Variants in IMMP2L observed in about 807,000 individuals in gnomAD.
IMMP2L encodes mitochondrial inner membrane protease subunit 2.
IMMP2L carries 18 observed loss-of-function variants against 19.3 expected under a neutral mutation model. The observed-to-expected ratio is 0.93, with a 90% CI of 0.64 to 1.38. The LOEUF (loss-of-function observed/expected upper bound fraction) is 1.38. Ranked by LOEUF, IMMP2L falls within the 40% of genes most tolerant of loss-of-function variation. The pLI is 0.00. For synonymous variants in IMMP2L, 76 were observed against 73.0 expected, an observed-to-expected ratio of 1.04 and a Z score of -0.21; for missense variants, 233 against 218.2, an observed-to-expected ratio of 1.07 and a Z score of -0.43.
intron 4 of IMMP2L, among the ~76,000 whole-genome samples, chr7:110,939,144 G>C (rs898053026): frequency 3.3e-4 from 50 of 152,268 alleles, no homozygotes; most frequent in African/African-American, 1.2e-3. Flanking sequence ...GTTACCTGGA[G>C]AGTTTTTAGA....
intron 5 of IMMP2L, among the ~76,000 whole-genome samples, chr7:110,761,074 G>C (rs1798323447): frequency 6.6e-6 from 1 of 152,124 alleles, no homozygotes. Context: ...TCTTCCTATG[G>C]ATGGCTGAGA....
At chr7:111,379,418 A>G (rs1830989380) in intron 3 of IMMP2L, among the ~76,000 whole-genome samples, 1 of 151,820 alleles carries the variant, frequency 6.6e-6, no homozygotes, top group Non-Finnish European at 1.5e-5. Flanking sequence ...GCCATTTTAA[A>G]AACTGCAAAA....
At chr7:110,745,839 TA>T (rs1264321720) in intron 5 of IMMP2L, among the ~76,000 whole-genome samples, 3 of 152,090 alleles carry the variant, frequency 2.0e-5, no homozygotes, top group African/African-American at 7.2e-5. Flanking sequence ...AGAAACTGCA[TA>T]AACTAATGGG....
At chr7:110,957,138 CCTTGTGATT>C (rs1394661590) in intron 4 of IMMP2L, among the ~76,000 whole-genome samples, 1 of 151,832 alleles carries the variant, frequency 6.6e-6, no homozygotes, top group East Asian at 1.9e-4. Context: ...CAAGCAATTG[CCTTGTGATT>C]TTAATCAATG....
chr7:110,812,055 A>G (rs956124494), intron 5 of IMMP2L, among the ~76,000 whole-genome samples: 1 of 152,014 alleles, frequency 6.6e-6, no homozygotes. Context: ...TCTGACACAT[A>G]TATTTGGTGA....
chr7:110,895,007 CT>C (rs1167507891), intron 4 of IMMP2L, among the ~76,000 whole-genome samples: 2 of 152,132 alleles, frequency 1.3e-5, no homozygotes, highest in South Asian at 2.1e-4. Context: ...CATTTTCATG[CT>C]GCTGATAAAG....
intron 4 of IMMP2L, among the ~76,000 whole-genome samples, chr7:110,909,908 AAGAG>A (rs1049961529): frequency 2.8e-5 from 4 of 145,434 alleles, no homozygotes; most frequent in Admixed American, 2.0e-4. Context: ...GAGAGAGAGA[AAGAG>A]AGAGAGAGAT....
In IMMP2L at chr7:110,728,917, T is replaced by C. The variant is rs1796071259; in HGVS notation, c.409-65196A>G. On this transcript the variant is annotated intron_variant, in intron 5 of 5. Transcript: ENST00000405709. This position sits in a 1 kb window ranked among gnomAD's most constrained non-coding sequence, Gnocchi z 4.6. ...TTGTATTAGTCTGTTTTGTTTTGTT[T>C]TGTTTTGTTTTCACCCAGGCTGGAC... Among the ~76,000 whole-genome samples, 1 of 152,134 alleles carries C rather than the reference T, an allele frequency of 6.6e-6. No individual in the cohort carries two copies. Among genetic ancestry groups the C allele is most frequent in the South Asian group, 2.1e-4 (1 of 4,822 alleles).
intron 3 of IMMP2L, among the ~76,000 whole-genome samples, chr7:111,295,773 G>A (rs1821565468): frequency 6.6e-6 from 1 of 151,562 alleles, no homozygotes; most frequent in Non-Finnish European, 1.5e-5. Flanking sequence ...ATGGAGCTAT[G>A]TATAATGAAA....
chr7:110,716,037 G>C (rs541119378), intron 5 of IMMP2L, among the ~76,000 whole-genome samples: 2 of 151,796 alleles, frequency 1.3e-5, no homozygotes, highest in East Asian at 1.9e-4. Context: ...CTTTTTTCCT[G>C]TTGTTCATTT....
chr7:111,499,323 G>A (rs1563272748), intron 2 of IMMP2L, among the ~76,000 whole-genome samples: 1 of 152,176 alleles, frequency 6.6e-6, no homozygotes, highest in African/African-American at 2.4e-5. Context: ...GAATATCAAT[G>A]TAATAATCTA....
At position 111,539,220 on chromosome 7, in the gene IMMP2L, A is replaced by AGG. The variant is rs1848267828; in HGVS notation, c.-2-17772_-2-17771insCC. Reference sequence around the variant, plus strand: ...GGAGAAAGAAAGAAAGAAAGAAAGAAAGAAAGAAAGAAAGAAAGAAAGAAA... The same window carrying AGG: ...GGAGAAAGAAAGAAAGAAAGAAAGAAGGAGAAAGAAAGAAAGAAAGAAAGAAA... On this transcript the variant is annotated intron_variant, in intron 1 of 5. Transcript: ENST00000405709. 2.8e-4 allele frequency among the ~76,000 whole-genome samples: 33 copies of AGG among 116,220 alleles called. 1 individual carries two copies. Among genetic ancestry groups the AGG allele is most frequent in the East Asian group, 9.7e-4 (4 of 4,132 alleles). The allele number at this position is 116,220 out of a possible 152,430, so 76.2% of individuals were successfully genotyped here.
intron 1 of IMMP2L, among the ~76,000 whole-genome samples, 183 bp from the exon 2 acceptor site, chr7:111,521,632 G>A (rs767126524): frequency 1.6e-4 from 25 of 152,008 alleles, no homozygotes; most frequent in African/African-American, 4.1e-4. Context: ...AGTGAAATAC[G>A]TGAACTCAGG....
intron 3 of IMMP2L, among the ~76,000 whole-genome samples, chr7:111,254,099 AT>A (rs1816441660): frequency 6.6e-6 from 1 of 152,046 alleles, no homozygotes; most frequent in South Asian, 2.1e-4. Flanking sequence ...TGAGCTAAGC[AT>A]TTTTTTCCCC....
chr7:111,097,985 T>C (rs1319213799), intron 3 of IMMP2L, among the ~76,000 whole-genome samples: 2 of 151,780 alleles, frequency 1.3e-5, no homozygotes, highest in Non-Finnish European at 1.5e-5. Flanking sequence ...GAATTGTGTC[T>C]AGGTCACAAT....
At chr7:110,684,193 G>A (rs1363982950) in intron 5 of IMMP2L, among the ~76,000 whole-genome samples, 2 of 152,024 alleles carry the variant, frequency 1.3e-5, no homozygotes, top group Non-Finnish European at 2.9e-5. Flanking sequence ...ATTCCTCATG[G>A]CTAACTATGG....
intron 3 of IMMP2L, among the ~76,000 whole-genome samples, chr7:111,221,726 A>T (rs1264738244): frequency 6.6e-6 from 1 of 152,076 alleles, no homozygotes; most frequent in Non-Finnish European, 1.5e-5. Context: ...CATTCCATAG[A>T]GTTTTTCATA....
intron 3 of IMMP2L, among the ~76,000 whole-genome samples, chr7:111,121,050 C>T (rs1016606829): frequency 6.6e-6 from 1 of 151,512 alleles, no homozygotes; most frequent in Non-Finnish European, 1.5e-5. Context: ...AAGGTATAAA[C>T]AAGCAAAGAT....
intron 5 of IMMP2L, among the ~76,000 whole-genome samples, chr7:110,802,599 G>A (rs1389615754): frequency 1.3e-5 from 2 of 151,824 alleles, no homozygotes; most frequent in South Asian, 2.1e-4. Context: ...CATAAGATAC[G>A]GTCTTCTATT....
Sources: allele counts gnomAD v4.1 joint callset (sites outside exome capture counted in the v4.1 genomes callset), GRCh38; gene constraint gnomAD v4.1.1; non-coding constraint Gnocchi (gnomAD v3.1); transcripts MANE v1.5; gene names NCBI Gene and HGNC (gene_info 2026-07-23, HGNC 2026-07-21).